PCDHA4: variants seen among roughly 807,000 people sequenced by gnomAD.
The protein encoded by PCDHA4 is protocadherin alpha-4.
A neutral mutation model predicts 61.4 loss-of-function variants in PCDHA4; 49 were observed. The observed-to-expected ratio is 0.80, with a 90% CI of 0.63 to 1.01. The LOEUF is 1.01. PCDHA4 is among the 50% of genes least tolerant of loss of function. The pLI is 0.00. For synonymous variants in PCDHA4, 590 were observed against 550.3 expected, an observed-to-expected ratio of 1.07 and a Z score of -1.01; for missense variants, 1,254 against 1,235.8, an observed-to-expected ratio of 1.01 and a Z score of -0.22.
At chr5:140,978,648 T>C (rs2096814311) in intron 1 of PCDHA4, among the ~76,000 whole-genome samples, 1 of 152,264 alleles carries the variant, frequency 6.6e-6, no homozygotes, top group African/African-American at 2.4e-5. Flanking sequence ...CAGACTGTTC[T>C]TCCCGTAGTG....
chr5:140,858,155 T>C (rs782113419), intron 1 of PCDHA4: 1 of 1,597,742 alleles, frequency 6.3e-7, no homozygotes, highest in African/African-American at 1.3e-5. Context: ...CATCGCCATC[T>C]GCGCGGTGTC....
chr5:140,937,964 A>G (rs1298140144), intron 1 of PCDHA4, among the ~76,000 whole-genome samples: 1 of 152,164 alleles, frequency 6.6e-6, no homozygotes, highest in East Asian at 1.9e-4. Flanking sequence ...GAAAGTATAT[A>G]GAAATAATAC....
chr5:140,949,656 GT>G (rs782242887), intron 1 of PCDHA4, among the ~76,000 whole-genome samples: 5 of 151,274 alleles, frequency 3.3e-5, no homozygotes, highest in Non-Finnish European at 7.4e-5. Context: ...TTTTACTTTT[GT>G]TTCTTTAAAG....
At chr5:140,831,927 A>G (rs1415813299) in intron 1 of PCDHA4, among the ~76,000 whole-genome samples, 1 of 152,160 alleles carries the variant, frequency 6.6e-6, no homozygotes, top group African/African-American at 2.4e-5. Context: ...ATTTGCTACT[A>G]GTTTTCCGAA....
At chr5:140,937,748 T>C (rs192465220) in intron 1 of PCDHA4, among the ~76,000 whole-genome samples, 1 of 151,812 alleles carries the variant, frequency 6.6e-6, no homozygotes, top group Admixed American at 6.6e-5. Context: ...CCGTCTCTAC[T>C]AAAAATACAA....
chr5:141,005,256 A>C (rs1307850409), intron 3 of PCDHA4, among the ~76,000 whole-genome samples: 1 of 152,212 alleles, frequency 6.6e-6, no homozygotes, highest in East Asian at 1.9e-4. Flanking sequence ...TGTGCTAGGC[A>C]CTGGTGATAC....
chr5:140,877,764 G>A, intron 1 of PCDHA4: 2 of 1,614,160 alleles, frequency 1.2e-6, no homozygotes, highest in Non-Finnish European at 1.7e-6. Context: ...CAGAGAGCCC[G>A]CCCAAGACGG....
rs17844337 is a variant in PCDHA4 at position 140,851,004 on chromosome 5, A to AT, written c.2385+41440dup. The AT allele has an allele frequency of 8.9e-5, 128 of 1,434,992 alleles. 10 individuals are homozygous for AT. Among genetic ancestry groups the AT allele is most frequent in the East Asian group, 7.3e-4 (30 of 41,268 alleles). 88.9% of individuals were successfully genotyped at this position (1,434,992 alleles called of 1,614,324 possible). ...ATTCATTTTTCTAGAAATCCAGCAG[A>AT]TTTTTTTTCTGATAAAGTAAACCCC... On this transcript the variant is annotated intron_variant, in intron 1 of 3. Coordinates refer to ENST00000530339, the MANE Select transcript of PCDHA4 (RefSeq NM_018907.4).
At chr5:140,902,551 C>G (rs1022882687) in intron 1 of PCDHA4, among the ~76,000 whole-genome samples, 1 of 151,956 alleles carries the variant, frequency 6.6e-6, no homozygotes, top group African/African-American at 2.4e-5. Context: ...CTTCTATACC[C>G]AGATTTTTGA....
At chr5:140,993,460 TCTCACA>T (rs782519654) in intron 3 of PCDHA4, among the ~76,000 whole-genome samples, 239 of 104,566 alleles carry the variant, frequency 2.3e-3, no homozygotes, top group Admixed American at 6.0e-3. Context: ...CTTCTTTCTT[TCTCACA>T]CACACACACA....
intron 1 of PCDHA4, chr5:140,875,246 C>T: frequency 1.0e-6 from 1 of 955,372 alleles, no homozygotes; most frequent in Non-Finnish European, 1.5e-6. Context: ...CTTACATAAT[C>T]AGTCACATGA....
chr5:140,863,202 G>A (rs559007513), intron 1 of PCDHA4: 5 of 934,632 alleles, frequency 5.3e-6, no homozygotes, highest in African/African-American at 1.7e-5. Flanking sequence ...CGTCGCTGGC[G>A]GAGAGCAGCC....
chr5:140,871,152 G>A (rs376980257), intron 1 of PCDHA4: 4 of 1,613,318 alleles, frequency 2.5e-6, no homozygotes, highest in South Asian at 1.1e-5. Context: ...GGACTTTGGC[G>A]GGCGCCGCGA....
chr5:140,928,824 A>C (rs782336122), intron 1 of PCDHA4: 2 of 1,614,110 alleles, frequency 1.2e-6, no homozygotes, highest in Non-Finnish European at 1.7e-6. Flanking sequence ...ATGGAGACCC[A>C]CCACTTTCCT....
chr5:140,834,333 T>G (rs2150215417), intron 1 of PCDHA4: 2 of 1,490,244 alleles, frequency 1.3e-6, no homozygotes, highest in Non-Finnish European at 9.1e-7. Context: ...AACATTCCTA[T>G]AAATTCGAAG....
At chr5:140,966,709 G>A (rs1447935100) in intron 1 of PCDHA4, 4 of 1,387,174 alleles carry the variant, frequency 2.9e-6, no homozygotes, top group Non-Finnish European at 2.8e-6. Flanking sequence ...CGTGGGGCAC[G>A]GCTGGGGAAG....
In PCDHA4 at chr5:140,927,608, G is replaced by A. The variant is rs151084513; in HGVS notation, c.2386-51341G>A. ...CCTGTATTTGAGCGCTCCGTATACC[G>A]CACCAAGGTTCCAGAGACTGCACCC... On this transcript the variant is annotated intron_variant, in intron 1 of 3. Coordinates refer to ENST00000530339, the MANE Select transcript of PCDHA4 (RefSeq NM_018907.4). The A allele has an allele frequency of 2.2e-5, 35 of 1,614,050 alleles. No homozygotes were observed. In the African/African-American group the frequency reaches 4.4e-4, roughly 20 times the overall value.
chr5:140,863,022 C>T (rs1339638342), intron 1 of PCDHA4: 3 of 554,506 alleles, frequency 5.4e-6, no homozygotes, highest in Non-Finnish European at 7.1e-6. Flanking sequence ...GCCTGGTTGT[C>T]GCAACAGCTG....
chr5:140,976,511 A>G (rs1216804890), intron 1 of PCDHA4, among the ~76,000 whole-genome samples: 1 of 152,148 alleles, frequency 6.6e-6, no homozygotes, highest in Non-Finnish European at 1.5e-5. Flanking sequence ...AGATCGCGCC[A>G]CTGCACACCA....
Sources: gnomAD v4.1 joint callset for allele counts (sites outside exome capture counted in the v4.1 genomes callset) on GRCh38, gnomAD v4.1.1 for gene constraint, MANE v1.5 for transcripts, NCBI Gene and HGNC (gene_info 2026-07-23, HGNC 2026-07-21) for gene names.